SNRNP48: variants seen among roughly 807,000 people sequenced by gnomAD.
SNRNP48 encodes small nuclear ribonucleoprotein U11/U12 subunit 48, also known as U11/U12 small nuclear ribonucleoprotein 48 kDa protein.
In SNRNP48, 43 loss-of-function variants were observed where a neutral mutation model predicts 47.0. That is an observed-to-expected ratio of 0.92 (90% CI 0.72 to 1.18). SNRNP48 has a LOEUF of 1.18. SNRNP48 is among the 50% of genes most tolerant of loss of function. SNRNP48 has a pLI of 0.00. For missense variants in SNRNP48, 396 were observed against 422.2 expected (o/e 0.94, Z 0.54); for synonymous variants, 138 against 144.0 (o/e 0.96, Z 0.30).
rs1561715587 is a variant in SNRNP48 at position 7,606,012 on chromosome 6, A to AT, written c.807-17dup. 6.3e-7 allele frequency: 1 copy of AT among 1,586,356 alleles called. No homozygotes were observed. The highest frequency in any genetic ancestry group is 2.2e-5 in the East Asian group (1 of 44,780). On this transcript the variant is annotated intron_variant, in intron 7 of 8. Transcript: ENST00000342415. ...CCAGTGGTAACACAAACTGATTAAC[A>AT]TTCTTTTCTGTGTTTTAGGAATGAA...
chr6:7,595,774 G>C (rs1227227834), intron 4 of SNRNP48, among the ~76,000 whole-genome samples: 1 of 152,114 alleles, frequency 6.6e-6, no homozygotes, highest in African/African-American at 2.4e-5. Flanking sequence ...TGAATGCTTG[G>C]GATCCCCTTC....
Position 7,609,068 on chromosome 6 carries a change from C to A in SNRNP48, c.*195C>A, listed in dbSNP as rs193248865. On this transcript the variant is annotated 3_prime_UTR_variant, in exon 9 of 9. Coordinates refer to ENST00000342415, the MANE Select transcript of SNRNP48 (RefSeq NM_152551.4). ...ACCATGAGTACACTATTAGGCCCTA[C>A]AACTTTGTTTTCCTTATATTTTATT... 5 of 324,450 alleles carry A rather than the reference C, an allele frequency of 1.5e-5. No homozygotes were observed. The East Asian group carries it at 2.2e-4, about 14-fold the overall frequency. 20.1% of individuals were successfully genotyped at this position (324,450 alleles called of 1,614,324 possible).
At chr6:7,599,829 G>A in intron 4 of SNRNP48, 1 of 1,163,154 alleles carries the variant, frequency 8.6e-7, no homozygotes, top group Non-Finnish European at 1.1e-6. Context: ...TTGGAATTTT[G>A]GTTGAATTAC....
At position 7,595,175 on chromosome 6, in the gene SNRNP48, C is replaced by T. The variant is rs1393365117; in HGVS notation, c.406+74C>T. On this transcript the variant is annotated intron_variant, in intron 4 of 8. Transcript: ENST00000342415. Reference sequence around the variant, plus strand: ...TTCTCATAAGCATGTTACTAATTTTCTTCAAGAAAAACCTGTGAAAACTGT... The same window carrying T: ...TTCTCATAAGCATGTTACTAATTTTTTTCAAGAAAAACCTGTGAAAACTGT... 1.1e-5 allele frequency: 14 copies of T among 1,316,918 alleles called. No individual in the cohort carries two copies. The East Asian group carries it at 3.6e-4, about 34-fold the overall frequency. The allele number at this position is 1,316,918 out of a possible 1,614,324, so 81.6% of individuals were successfully genotyped here.
intron 6 of SNRNP48, among the ~76,000 whole-genome samples, chr6:7,604,053 G>A (rs997873530): frequency 1.3e-5 from 2 of 149,740 alleles, no homozygotes; most frequent in African/African-American, 5.0e-5. Context: ...GCATTTGAGG[G>A]AAAGGGAGAA....
chr6:7,594,405 T>C (rs1010224036), intron 3 of SNRNP48, among the ~76,000 whole-genome samples: 4 of 152,282 alleles, frequency 2.6e-5, no homozygotes, highest in South Asian at 4.1e-4. Flanking sequence ...AGACACCTTC[T>C]TTCTCAGTTA....
At chr6:7,597,614 C>T (rs976916602) in intron 4 of SNRNP48, among the ~76,000 whole-genome samples, 1 of 152,010 alleles carries the variant, frequency 6.6e-6, no homozygotes, top group African/African-American at 2.4e-5. Flanking sequence ...AATTAATATA[C>T]AGAAAGTAAT....
chr6:7,599,607 A>G (rs1759974911), intron 4 of SNRNP48: 1 of 963,920 alleles, frequency 1.0e-6, no homozygotes, highest in African/African-American at 1.7e-5. Context: ...TGTCAGAAAT[A>G]TCTATGTTCC....
chr6:7,590,286 A>G lies in SNRNP48; in HGVS notation c.29A>G (p.Glu10Gly). The change falls in exon 1 of 9, where the codon GAG (glutamate) becomes GGG (glycine). Residue 10 changes from glutamate (E) to glycine (G), a missense_variant. Physicochemically the swap from Glu to Gly is moderately conservative, Grantham distance 98 (BLOSUM62 -2). Coordinates refer to ENST00000342415, the MANE Select transcript of SNRNP48 (RefSeq NM_152551.4). ...GAGGGCGAGCCTCCACCTGTGGAGG[A>G]GCGGCGGCGGCTGCAGGAGGAGCTG... Reference protein sequence around the residue: MEGEPPPVEERRRLQEELNE... With the variant: MEGEPPPVEGRRRLQEELNE... 3 of 1,373,126 alleles carry G rather than the reference A, an allele frequency of 2.2e-6. No homozygotes were observed. Among genetic ancestry groups the G allele is most frequent in the South Asian group, 2.0e-5 (1 of 49,618 alleles). 85.1% of individuals were successfully genotyped at this position (1,373,126 alleles called of 1,614,324 possible). A position where few individuals can be genotyped will look rare whatever the true frequency, so the allele number is the denominator to read the frequency against.
chr6:7,604,551 GGT>G lies in SNRNP48; in HGVS notation c.718-845_718-844del, dbSNP rs528439627. On this transcript the variant is annotated intron_variant, in intron 6 of 8. Transcript: ENST00000342415. ...TGAGAGCCATTGAAAGTTTCTTTAA[GGT>G]GGGGAGAAATGCAGTCAGGCCTGAA... 3.9e-5 allele frequency among the ~76,000 whole-genome samples: 6 copies of G among 152,302 alleles called. No individual in the cohort carries two copies. In the South Asian group the frequency reaches 1.2e-3, roughly 32 times the overall value.
In SNRNP48 at chr6:7,608,990, AT is replaced by A. The variant is rs925151552; in HGVS notation, c.*125del. Reference sequence around the variant, plus strand: ...TTTTATGATCTGTTTAGTGCTTATTATTTTTTTTATGATCTGTTTAGTGCTT... The same window carrying A: ...TTTTATGATCTGTTTAGTGCTTATTATTTTTTTATGATCTGTTTAGTGCTT... On this transcript the variant is annotated 3_prime_UTR_variant, in exon 9 of 9. Transcript: ENST00000342415. 1.2e-4 allele frequency: 58 copies of A among 487,372 alleles called. No homozygotes were observed. The highest frequency in any genetic ancestry group is 3.6e-4 in the South Asian group (6 of 16,612). The allele number at this position is 487,372 out of a possible 1,614,324, so 30.2% of individuals were successfully genotyped here. A position where few individuals can be genotyped will look rare whatever the true frequency, so the allele number is the denominator to read the frequency against.
At chr6:7,594,892 G>A (rs1759875337) in intron 3 of SNRNP48, 135 bp from the exon 4 acceptor site, 6 of 658,838 alleles carry the variant, frequency 9.1e-6, no homozygotes, top group Non-Finnish European at 1.5e-5. Flanking sequence ...TTCATAGACA[G>A]GGATGTGGAT....
chr6:7,606,001 A>C (rs1252281978), intron 7 of SNRNP48, 30 bp from the exon 8 acceptor site: 5 of 1,576,382 alleles, frequency 3.2e-6, no homozygotes, highest in Non-Finnish European at 3.4e-6. Flanking sequence ...TGGTAACACA[A>C]ACTGATTAAC....
Position 7,605,598 on chromosome 6 carries a change from C to T in SNRNP48, c.806+112C>T. On this transcript the variant is annotated intron_variant, in intron 7 of 8. Coordinates refer to ENST00000342415, the MANE Select transcript of SNRNP48 (RefSeq NM_152551.4). ...AAAACCCTTGATAGCACACAGTAAA[C>T]TCGTGAAAATGCTTTTTGTTTTTCG... 3.1e-6 allele frequency: 3 copies of T among 961,860 alleles called. No individual in the cohort carries two copies. The South Asian group carries it at 4.7e-5, about 15-fold the overall frequency. The allele number at this position is 961,860 out of a possible 1,614,324, so 59.6% of individuals were successfully genotyped here.
intron 4 of SNRNP48, chr6:7,599,741 C>CT (rs1446782963): frequency 1.6e-6 from 2 of 1,278,306 alleles, no homozygotes; most frequent in Non-Finnish European, 2.0e-6. Context: ...ATGCAGTATC[C>CT]TTTTTGCAAA....
intron 4 of SNRNP48, among the ~76,000 whole-genome samples, chr6:7,598,326 C>A (rs1759945998): frequency 6.6e-6 from 1 of 151,800 alleles, no homozygotes; most frequent in South Asian, 2.1e-4. Flanking sequence ...GAAACCCTGT[C>A]TCTACTAAAA....
chr6:7,601,773 T>C lies in SNRNP48; in HGVS notation c.595+249T>C, dbSNP rs570160999. ...CTCTGTACTATACATGTAGAGACTTTTTATTCTTGTCATAATTCCATAAAC... is the reference window on the plus strand; with the variant it reads ...CTCTGTACTATACATGTAGAGACTTCTTATTCTTGTCATAATTCCATAAAC... On this transcript the variant is annotated intron_variant, in intron 5 of 8. Coordinates refer to ENST00000342415, the MANE Select transcript of SNRNP48 (RefSeq NM_152551.4). Among the ~76,000 whole-genome samples, 131 of 152,336 alleles carry C rather than the reference T, an allele frequency of 8.6e-4. 1 individual carries two copies. Among genetic ancestry groups the C allele is most frequent in the African/African-American group, 2.9e-3 (122 of 41,572 alleles).
rs4212 is a variant in SNRNP48 at position 7,611,759 on chromosome 6, TTTTCTG to T, written c.*2892_*2897del. ...TCGCCCCGCCCGTCTTCTAAGGGCA[TTTTCTG>T]TTTCTTTTTAGTGAGTTCATGAATG... is the stretch of plus-strand genomic sequence containing the variant. On this transcript the variant is annotated 3_prime_UTR_variant, in exon 9 of 9. Coordinates refer to ENST00000342415, the MANE Select transcript of SNRNP48 (RefSeq NM_152551.4). The T allele has an allele frequency of 0.15, 22,814 of 152,080 alleles. 2,474 individuals carry two copies. The highest frequency in any genetic ancestry group is 0.31 in the African/African-American group (12,631 of 41,412). 9.4% of individuals were successfully genotyped at this position (152,080 alleles called of 1,614,324 possible). A position where few individuals can be genotyped will look rare whatever the true frequency, so the allele number is the denominator to read the frequency against.
chr6:7,594,129 GA>G lies in SNRNP48; in HGVS notation c.305del (p.Asn102MetfsTer2). 1 of 1,422,352 alleles carries G rather than the reference GA, an allele frequency of 7.0e-7. No individual in the cohort carries two copies. Among genetic ancestry groups the G allele is most frequent in the Non-Finnish European group, 9.5e-7 (1 of 1,049,650 alleles). The allele number at this position is 1,422,352 out of a possible 1,614,324, so 88.1% of individuals were successfully genotyped here. On this transcript the variant is annotated frameshift_variant, in exon 3 of 9. Coordinates refer to ENST00000342415, the MANE Select transcript of SNRNP48 (RefSeq NM_152551.4). LOFTEE classifies it high-confidence loss of function. ...AATGTATAATCCTGAGTTTTTCTATGAAAATGTGAAGATACCTTCGATTACT... is the reference window on the plus strand; with the variant it reads ...AATGTATAATCCTGAGTTTTTCTATGAAATGTGAAGATACCTTCGATTACT... ...DEMYNPEFFYENVKIPSITLN... is the reference protein window; with the variant it reads ...DEMYNPEFFYXNVKIPSITLN...
Sources: allele counts gnomAD v4.1 joint callset (sites outside exome capture counted in the v4.1 genomes callset), GRCh38; gene constraint gnomAD v4.1.1; transcripts MANE v1.5; gene names NCBI Gene and HGNC (gene_info 2026-07-23, HGNC 2026-07-21).